Variants in GPHN observed in about 807,000 individuals in gnomAD.
GPHN encodes gephyrin.
GPHN carries 17 observed loss-of-function variants against 95.5 expected under a neutral mutation model. The ratio of observed to expected loss-of-function variants is 0.18; its 90% CI spans 0.12 to 0.27. GPHN has a LOEUF of 0.27. Ranked by LOEUF, GPHN falls within the 10% of genes least tolerant of loss-of-function variation. The probability of loss-of-function intolerance (pLI) is 1.00; values close to 1 mark genes in which losing one functional copy is unlikely to be tolerated. For synonymous variants in GPHN, 320 were observed against 322.5 expected (o/e 0.99, Z 0.08); for missense variants, 660 against 978.1 (o/e 0.67, Z 4.34).
chr14:66,968,086 A>C (rs1430214517), intron 9 of GPHN, among the ~76,000 whole-genome samples: 1 of 152,012 alleles, frequency 6.6e-6, no homozygotes, highest in Non-Finnish European at 1.5e-5. Flanking sequence ...CCACTGAGTC[A>C]AATATCAAGA....
At chr14:66,892,300 A>G (rs888292301) in intron 5 of GPHN, among the ~76,000 whole-genome samples, 2 of 152,128 alleles carry the variant, frequency 1.3e-5, no homozygotes, top group Non-Finnish European at 2.9e-5. Context: ...ACACACACCT[A>G]TAATCCTAGC....
At chr14:67,466,380 T>C in the GPHN span, among the ~76,000 whole-genome samples, 1 of 152,226 alleles carries the variant, frequency 6.6e-6, no homozygotes, top group Admixed American at 6.5e-5. Context: ...GCCGGAAGAC[T>C]CTAAGAGGGA....
chr14:67,006,662 T>C (rs922036928), intron 9 of GPHN, among the ~76,000 whole-genome samples: 1 of 152,136 alleles, frequency 6.6e-6, no homozygotes, highest in Admixed American at 6.5e-5. Context: ...GAAATGAAAG[T>C]GTGAACTGAG....
intron 2 of GPHN, among the ~76,000 whole-genome samples, chr14:66,695,952 C>G (rs2068075866): frequency 6.6e-6 from 1 of 152,136 alleles, no homozygotes; most frequent in African/African-American, 2.4e-5. Context: ...GATGCATTGT[C>G]TAAACCATAG....
chr14:67,559,505 G>T, the GPHN span: 1 of 725,036 alleles, frequency 1.4e-6, no homozygotes, highest in East Asian at 2.7e-5. Context: ...GCTTTGCGAG[G>T]TCAGTGGCAC....
At chr14:66,879,166 A>G (rs2063810680) in intron 4 of GPHN, among the ~76,000 whole-genome samples, 1 of 152,052 alleles carries the variant, frequency 6.6e-6, no homozygotes, top group South Asian at 2.1e-4. Context: ...ATGAGAACAC[A>G]TGGACACACA....
chr14:66,702,753 A>G (rs10130206), intron 2 of GPHN, among the ~76,000 whole-genome samples: 47,297 of 152,022 alleles, frequency 0.31, 11,181 homozygotes, highest in African/African-American at 0.64. Context: ...ATCTTCTCCA[A>G]ATGATTATAA....
chr14:67,245,382 C>G, the GPHN span, among the ~76,000 whole-genome samples: 1 of 152,104 alleles, frequency 6.6e-6, no homozygotes, highest in African/African-American at 2.4e-5. Context: ...TGCATTTCCC[C>G]CATGACTGAG....
intron 10 of GPHN, among the ~76,000 whole-genome samples, chr14:67,050,767 CT>C (rs112053479): frequency 0.062 from 9,506 of 152,108 alleles, 325 homozygotes; most frequent in Middle Eastern, 0.085. Context: ...ATGCCAGCAA[CT>C]TGAGGTATCC....
chr14:67,377,418 TTCC>T, the GPHN span, among the ~76,000 whole-genome samples: 17 of 152,348 alleles, frequency 1.1e-4, no homozygotes, highest in East Asian at 3.1e-3. Flanking sequence ...TTCCACGTTC[TTCC>T]TCAGAAAACC....
chr14:67,260,414 A>G, the GPHN span, among the ~76,000 whole-genome samples: 1 of 152,252 alleles, frequency 6.6e-6, no homozygotes, highest in Non-Finnish European at 1.5e-5. Context: ...ATTTGTATAT[A>G]GCACAATATA....
chr14:67,392,313 A>G, the GPHN span: 1 of 1,515,938 alleles, frequency 6.6e-7, no homozygotes, highest in South Asian at 1.1e-5. Context: ...TTCCCTGCTC[A>G]TAGCAGCCAT....
At chr14:67,423,336 C>T in the GPHN span, among the ~76,000 whole-genome samples, 1 of 152,106 alleles carries the variant, frequency 6.6e-6, no homozygotes, top group African/African-American at 2.4e-5. Context: ...TTATTTTTTA[C>T]CTGTGAACAT....
the GPHN span, among the ~76,000 whole-genome samples, chr14:67,396,271 TTG>T: frequency 6.8e-6 from 1 of 147,224 alleles, no homozygotes; most frequent in African/African-American, 2.6e-5. Flanking sequence ...CCTCAGCCTC[TTG>T]AGTAGATGGG....
At chr14:67,528,851 T>G in the GPHN span, among the ~76,000 whole-genome samples, 1 of 152,156 alleles carries the variant, frequency 6.6e-6, no homozygotes, top group Non-Finnish European at 1.5e-5. Context: ...TGCGTGACAA[T>G]GCAGACTCCT....
the GPHN span, among the ~76,000 whole-genome samples, chr14:67,331,278 C>T: frequency 3.9e-5 from 6 of 152,218 alleles, no homozygotes; most frequent in South Asian, 1.2e-3. Context: ...CTCCCGGCCC[C>T]ATGTGATCCA....
At chr14:67,218,514 T>G in the GPHN span, among the ~76,000 whole-genome samples, 1 of 152,112 alleles carries the variant, frequency 6.6e-6, no homozygotes, top group African/African-American at 2.4e-5. Flanking sequence ...GCCTGGGGCA[T>G]GTCAACCTGG....
At chr14:67,635,696 T>C in the GPHN span, among the ~76,000 whole-genome samples, 1 of 151,860 alleles carries the variant, frequency 6.6e-6, no homozygotes, top group Non-Finnish European at 1.5e-5. Flanking sequence ...CTACTGAAAA[T>C]GCAAAAATTA....
At chr14:66,822,213 G>C (rs2061221145) in intron 3 of GPHN, among the ~76,000 whole-genome samples, 1 of 152,306 alleles carries the variant, frequency 6.6e-6, no homozygotes, top group South Asian at 2.1e-4. Flanking sequence ...GCCTCCCAAA[G>C]TGCTGGGATT....
Sources: allele counts gnomAD v4.1 joint callset (sites outside exome capture counted in the v4.1 genomes callset), GRCh38; gene constraint gnomAD v4.1.1; transcripts MANE v1.5; gene names NCBI Gene and HGNC (gene_info 2026-07-23, HGNC 2026-07-21).